Variants in SORBS2 observed in about 807,000 individuals in gnomAD.
SORBS2 encodes the protein sorbin and SH3 domain containing 2, also known as sorbin and SH3 domain-containing protein 2.
A neutral mutation model predicts 97.7 loss-of-function variants in SORBS2; 46 were observed. The observed-to-expected ratio is 0.47, with a 90% CI of 0.37 to 0.60. The LOEUF (loss-of-function observed/expected upper bound fraction) is 0.60, where lower values mean the gene tolerates loss of function less well. Ranked by LOEUF, SORBS2 falls within the 20% of genes least tolerant of loss-of-function variation. SORBS2 has a pLI of 0.00. For synonymous variants in SORBS2, 476 were observed against 473.4 expected, an observed-to-expected ratio of 1.01 and a Z score of -0.07; for missense variants, 1,316 against 1,282.3, an observed-to-expected ratio of 1.03 and a Z score of -0.40.
intron 1 of SORBS2, among the ~76,000 whole-genome samples, chr4:185,946,377 T>C (rs1263977881): frequency 6.6e-6 from 1 of 152,098 alleles, no homozygotes; most frequent in East Asian, 1.9e-4. Flanking sequence ...ATGGTGAGAA[T>C]AGAAGAAACA....
intron 2 of SORBS2, 66 bp downstream of exon 2, chr4:185,775,160 AT>A (rs531339760): frequency 1.4e-4 from 22 of 152,772 alleles, no homozygotes; most frequent in African/African-American, 5.3e-4. Context: ...TAAGTAAGTT[AT>A]TTTAAAGACA....
At chr4:185,905,155 A>C (rs28379611) in intron 1 of SORBS2, among the ~76,000 whole-genome samples, 21,725 of 152,034 alleles carry the variant, frequency 0.14, 1,608 homozygotes, top group Middle Eastern at 0.24. Context: ...CTACCAGACC[A>C]TCTGAAGTAG....
chr4:185,753,806 C>T (rs2098814815), intron 2 of SORBS2, among the ~76,000 whole-genome samples: 1 of 152,088 alleles, frequency 6.6e-6, no homozygotes, highest in Non-Finnish European at 1.5e-5. Flanking sequence ...CATTATTCAC[C>T]TATCTTTTTA....
chr4:185,836,181 G>C (rs1286991811), intron 1 of SORBS2, among the ~76,000 whole-genome samples: 1 of 152,140 alleles, frequency 6.6e-6, no homozygotes, highest in Non-Finnish European at 1.5e-5. Flanking sequence ...TTTCTCATTT[G>C]CTTAAAAAAG....
intron 2 of SORBS2, among the ~76,000 whole-genome samples, chr4:185,719,072 G>GT (rs59631479): frequency 7.0e-6 from 1 of 142,940 alleles, no homozygotes; most frequent in Admixed American, 6.8e-5. Context: ...ATAGAATCTG[G>GT]TTTTAAAAAA....
intron 1 of SORBS2, among the ~76,000 whole-genome samples, chr4:185,899,649 T>A (rs1305597821): frequency 2.6e-5 from 4 of 152,124 alleles, no homozygotes; most frequent in Non-Finnish European, 5.9e-5. Context: ...GCCAAGATTG[T>A]CTAGTTGAGT....
exon 8 of SORBS2, chr4:185,620,146 C>T: frequency 6.2e-7 from 1 of 1,604,622 alleles, no homozygotes; most frequent in Non-Finnish European, 8.5e-7. Flanking sequence ...CTAGGGGACT[C>T]ACGGTCTATT....
intron 2 of SORBS2, among the ~76,000 whole-genome samples, chr4:185,686,576 G>C (rs922061007): frequency 6.6e-6 from 1 of 152,160 alleles, no homozygotes; most frequent in African/African-American, 2.4e-5. Context: ...AGTGCTTAGA[G>C]ACAAGTGCGT....
intron 1 of SORBS2, among the ~76,000 whole-genome samples, chr4:185,801,666 ATC>A (rs59944716): frequency 0.47 from 46,110 of 97,964 alleles, 7,592 homozygotes; most frequent in East Asian, 0.66. Context: ...TAACTGAATC[ATC>A]TCTCTCTCTC....
At chr4:185,771,444 C>T (rs1302065071) in intron 2 of SORBS2, 2 of 152,212 alleles carry the variant, frequency 1.3e-5, no homozygotes, top group Non-Finnish European at 2.9e-5. Context: ...CTTTCCTCTG[C>T]TCACTGTACC....
chr4:185,923,016 A>G (rs2099261651), intron 1 of SORBS2, among the ~76,000 whole-genome samples: 1 of 152,168 alleles, frequency 6.6e-6, no homozygotes, highest in African/African-American at 2.4e-5. Context: ...AAGCTATTTA[A>G]TCTCTCTGAG....
At chr4:185,890,917 A>T (rs1334818311) in intron 1 of SORBS2, among the ~76,000 whole-genome samples, 2 of 152,224 alleles carry the variant, frequency 1.3e-5, no homozygotes, top group Non-Finnish European at 2.9e-5. Context: ...AGTATTGAAC[A>T]TGTTGCATTA....
intron 14 of SORBS2, 61 bp from the exon 27 acceptor site, chr4:185,587,749 C>T: frequency 7.7e-7 from 1 of 1,295,142 alleles, no homozygotes; most frequent in Non-Finnish European, 1.1e-6. Flanking sequence ...TACACATGGG[C>T]TTGAATACTT....
At chr4:185,717,370 A>G (rs1173211761) in intron 2 of SORBS2, among the ~76,000 whole-genome samples, 3 of 152,126 alleles carry the variant, frequency 2.0e-5, no homozygotes, top group African/African-American at 7.2e-5. Context: ...CAAAGGGAGG[A>G]GACTAAGGGA....
At chr4:185,867,999 C>A (rs2099227949) in intron 1 of SORBS2, among the ~76,000 whole-genome samples, 1 of 152,082 alleles carries the variant, frequency 6.6e-6, no homozygotes, top group Admixed American at 6.5e-5. Flanking sequence ...GTCCTTTCTT[C>A]CCTTCCTTCG....
At chr4:185,938,881 A>G (rs1272642274) in intron 1 of SORBS2, among the ~76,000 whole-genome samples, 1 of 152,106 alleles carries the variant, frequency 6.6e-6, no homozygotes, top group African/African-American at 2.4e-5. Context: ...CTCTAACTAC[A>G]TTATGTCCGC....
intron 1 of SORBS2, among the ~76,000 whole-genome samples, chr4:185,835,387 A>C (rs1249259356): frequency 6.6e-6 from 1 of 152,258 alleles, no homozygotes; most frequent in Non-Finnish European, 1.5e-5. Context: ...GAACATTTCA[A>C]TTCTAACGGT....
At chr4:185,620,484 G>C (rs2096703117) in intron 7 of SORBS2, among the ~76,000 whole-genome samples, 1 of 152,092 alleles carries the variant, frequency 6.6e-6, no homozygotes, top group African/African-American at 2.4e-5. Context: ...AAAGCTTTCT[G>C]TTTCTATGCC....
At chr4:185,661,988 A>T in intron 5 of SORBS2, 116 bp downstream of exon 8, 1 of 1,118,012 alleles carries the variant, frequency 8.9e-7, no homozygotes. Flanking sequence ...CTCCCTGGGG[A>T]TAGGGTCATG....
Sources: gnomAD v4.1 joint callset for allele counts (sites outside exome capture counted in the v4.1 genomes callset) on GRCh38, gnomAD v4.1.1 for gene constraint, MANE v1.5 for transcripts, NCBI Gene and HGNC (gene_info 2026-07-23, HGNC 2026-07-21) for gene names.